QSER1: variants seen among roughly 807,000 people sequenced by gnomAD.
QSER1 encodes glutamine and serine rich 1, also known as glutamine and serine-rich protein 1.
A neutral mutation model predicts 158.5 loss-of-function variants in QSER1; 49 were observed. The ratio of observed to expected loss-of-function variants is 0.31; its 90% CI spans 0.25 to 0.39. QSER1 has a LOEUF of 0.39. Among genes scored for constraint, QSER1 ranks in the 10% least tolerant of loss-of-function variants. QSER1 has a pLI of 1.00. For missense variants in QSER1, 1,754 were observed against 2,010.3 expected (o/e 0.87, Z 2.44); for synonymous variants, 650 against 715.5 (o/e 0.91, Z 1.46).
chr11:32,900,235 C>T (rs1413832636), intron 1 of QSER1, among the ~76,000 whole-genome samples: 1 of 152,104 alleles, frequency 6.6e-6, no homozygotes, highest in African/African-American at 2.4e-5. Context: ...ATGTCATTAC[C>T]CTGCTTAGAA....
At chr11:32,917,082 C>T (rs148181801) in intron 1 of QSER1, among the ~76,000 whole-genome samples, 128 of 152,260 alleles carry the variant, frequency 8.4e-4, no homozygotes, top group Non-Finnish European at 1.4e-3. Flanking sequence ...CCACCACGCC[C>T]GGCCGGGCAT....
At chr11:32,895,747 A>G (rs1412558677) in intron 1 of QSER1, among the ~76,000 whole-genome samples, 2 of 152,230 alleles carry the variant, frequency 1.3e-5, no homozygotes, top group African/African-American at 4.8e-5. Context: ...TGTTGCCGAC[A>G]GGGATCTAAC....
chr11:32,959,762 T>G (rs1852587896), intron 8 of QSER1, among the ~76,000 whole-genome samples: 1 of 151,986 alleles, frequency 6.6e-6, no homozygotes, highest in African/African-American at 2.4e-5. Flanking sequence ...AAATTTACCG[T>G]TTTTATTTTT....
intron 4 of QSER1, among the ~76,000 whole-genome samples, chr11:32,950,735 C>T (rs1852407968): frequency 6.6e-6 from 1 of 152,094 alleles, no homozygotes; most frequent in African/African-American, 2.4e-5. Context: ...TGTAGATTTG[C>T]CTATTTGGGA....
rs1851496917 is a variant in QSER1 at position 32,892,843 on chromosome 11, G to GGCCGTCGCCGCCGCCGCCGCC, written c.-279_-278insTCGCCGCCGCCGCCGCCGCCG. On this transcript the variant is annotated 5_prime_UTR_variant, in exon 1 of 13. Transcript: ENST00000650167. ...GAAATCCACCAACATGGGGCGCAGC[G>GGCCGTCGCCGCCGCCGCCGCC]GCCGCCGCCGCCGCCGCCGTCGCCG... Among the ~76,000 whole-genome samples the GGCCGTCGCCGCCGCCGCCGCC allele has an allele frequency of 6.9e-6, 1 of 144,782 alleles. No individual in the cohort carries two copies. Among genetic ancestry groups the GGCCGTCGCCGCCGCCGCCGCC allele is most frequent in the Non-Finnish European group, 1.5e-5 (1 of 65,518 alleles). 95.0% of individuals were successfully genotyped at this position (144,782 alleles called of 152,430 possible). A position where few individuals can be genotyped will look rare whatever the true frequency, so the allele number is the denominator to read the frequency against.
At chr11:32,926,894 A>G (rs1452375369) in intron 1 of QSER1, 2 of 152,302 alleles carry the variant, frequency 1.3e-5, no homozygotes, top group African/African-American at 4.8e-5. Flanking sequence ...CTTCTGTACC[A>G]CATTACCTCT....
At chr11:32,894,882 A>C (rs985773569) in intron 1 of QSER1, among the ~76,000 whole-genome samples, 1 of 152,226 alleles carries the variant, frequency 6.6e-6, no homozygotes, top group Non-Finnish European at 1.5e-5. Context: ...TTTCTTGCTG[A>C]TGGTAATTTG....
intron 4 of QSER1, among the ~76,000 whole-genome samples, chr11:32,941,777 T>C (rs1852241442): frequency 6.6e-6 from 1 of 152,076 alleles, no homozygotes; most frequent in African/African-American, 2.4e-5. Context: ...AAATGGTATT[T>C]CTAGTTCTAG....
At position 32,934,130 on chromosome 11, in the gene QSER1, T is replaced by A; in HGVS notation, c.2872T>A (p.Ser958Thr). 1 of 1,614,088 alleles carries A rather than the reference T, an allele frequency of 6.2e-7. No individual in the cohort carries two copies. Residue 958 changes from serine (S) to threonine (T), a missense_variant, in exon 4 of 13, where the codon TCT (serine) becomes ACT (threonine). By Grantham distance (58) the Ser-to-Thr change is moderately conservative (BLOSUM62 1). This residue lies in a region of QSER1 where 1,707 missense variants were observed against 1,919.6 expected (regional missense o/e 0.89). Transcript: ENST00000650167. ...NQHDSKNQFVSLGSMCFPEAV... is the reference protein window; with the variant it reads ...NQHDSKNQFVTLGSMCFPEAV... ...ACATGATTCAAAGAATCAGTTTGTT[T>A]CTCTTGGATCGATGTGTTTCCCAGA...
chr11:32,949,337 AC>A (rs1285242124), intron 4 of QSER1, among the ~76,000 whole-genome samples: 7 of 152,196 alleles, frequency 4.6e-5, no homozygotes, highest in African/African-American at 1.7e-4. Context: ...CATTGCTATA[AC>A]AAAGTCACTT....
intron 7 of QSER1, 129 bp from the exon 8 acceptor site, chr11:32,957,740 C>A: frequency 1.3e-6 from 1 of 753,974 alleles, no homozygotes; most frequent in Non-Finnish European, 2.1e-6. Flanking sequence ...AGGACTTGGA[C>A]TGTATATTTT....
In QSER1 at chr11:32,927,597, C is replaced by T. The variant is rs1424420767; in HGVS notation, c.322+328C>T. Among the ~76,000 whole-genome samples, 8 of 151,946 alleles carry T rather than the reference C, an allele frequency of 5.3e-5. No individual in the cohort carries two copies. In the East Asian group the frequency reaches 5.8e-4, roughly 11 times the overall value. On this transcript the variant is annotated intron_variant, in intron 2 of 12. Coordinates refer to ENST00000650167, the MANE Select transcript of QSER1 (RefSeq NM_001076786.3). ...TAATTTTTGTATTTTTTAGTAGAGG[C>T]GGGGTTTCACCATATTGGCCAGGCT... is the stretch of plus-strand genomic sequence containing the variant.
At position 32,976,414 on chromosome 11, in the gene QSER1, G is replaced by C. The variant is rs1852979016; in HGVS notation, c.5535G>C (p.Val1845=). 6.2e-7 allele frequency: 1 copy of C among 1,609,888 alleles called. No individual in the cohort carries two copies. ...TTTGTATGAAAAATGTAAAATGGGTGGAGGACCTCTTTGAAAAATTTGGAG... is the reference window on the plus strand; with the variant it reads ...TTTGTATGAAAAATGTAAAATGGGTCGAGGACCTCTTTGAAAAATTTGGAG... ...VQLCMKNVKW[V]EDLFEKFGEL... The change falls in exon 13 of 13, where the codon GTG becomes GTC. Residue 1845 remains valine (V), a synonymous_variant. Transcript: ENST00000650167.
chr11:32,970,769 C>T (rs921533439), intron 10 of QSER1, among the ~76,000 whole-genome samples: 1 of 152,024 alleles, frequency 6.6e-6, no homozygotes, highest in Admixed American at 6.6e-5. Context: ...TTGTGAAATA[C>T]TATATTTTGT....
intron 6 of QSER1, 62 bp downstream of exon 6, chr11:32,955,474 T>C: frequency 2.6e-6 from 2 of 776,600 alleles, no homozygotes; most frequent in Non-Finnish European, 4.2e-6. Context: ...AAAACAATGA[T>C]TTAAATATAG....
intron 4 of QSER1, among the ~76,000 whole-genome samples, chr11:32,949,443 A>G (rs1040593927): frequency 1.3e-5 from 2 of 152,350 alleles, no homozygotes; most frequent in Non-Finnish European, 2.9e-5. Flanking sequence ...TGTAAAATCT[A>G]TCTCAATAAG....
chr11:32,958,550 T>C (rs931175973), intron 8 of QSER1, among the ~76,000 whole-genome samples: 28 of 152,132 alleles, frequency 1.8e-4, no homozygotes, highest in Non-Finnish European at 4.1e-4. Context: ...CATGCCCAGC[T>C]AATGTTTCTT....
In QSER1 at chr11:32,912,986, C is replaced by T. The variant is rs985249361; in HGVS notation, c.210-14171C>T. ...TTCCCTTGAAGATAAAATGTGAGATCCTTATTTTGGTATATAATATTCCAT... is the reference window on the plus strand; with the variant it reads ...TTCCCTTGAAGATAAAATGTGAGATTCTTATTTTGGTATATAATATTCCAT... On this transcript the variant is annotated intron_variant, in intron 1 of 12. Transcript: ENST00000650167. 5.3e-5 allele frequency among the ~76,000 whole-genome samples: 8 copies of T among 152,070 alleles called. No individual in the cohort carries two copies. In the South Asian group the frequency reaches 1.7e-3, roughly 32 times the overall value.
At chr11:32,960,136 G>A (rs1484886645) in intron 8 of QSER1, among the ~76,000 whole-genome samples, 1 of 152,200 alleles carries the variant, frequency 6.6e-6, no homozygotes, top group African/African-American at 2.4e-5. Context: ...CCAGCTACTT[G>A]GGAGGCTCAG....
Sources: gnomAD v4.1 joint callset for allele counts (sites outside exome capture counted in the v4.1 genomes callset) on GRCh38, gnomAD v4.1.1 for gene constraint, gnomAD v4.1.1 regional missense constraint, MANE v1.5 for transcripts, NCBI Gene and HGNC (gene_info 2026-07-23, HGNC 2026-07-21) for gene names.